Variants in NEURL1B observed in about 807,000 individuals in gnomAD.
NEURL1B encodes the protein neuralized E3 ubiquitin protein ligase 1B, also known as E3 ubiquitin-protein ligase NEURL1B.
In NEURL1B, 13 loss-of-function variants were observed where a neutral mutation model predicts 37.4. The ratio of observed to expected loss-of-function variants is 0.35; its 90% CI spans 0.23 to 0.55. NEURL1B has a LOEUF of 0.55. Ranked by LOEUF, NEURL1B falls within the 20% of genes least tolerant of loss-of-function variation. NEURL1B has a pLI of 0.89. For missense variants in NEURL1B, 790 were observed against 879.2 expected (o/e 0.90, Z 1.28); for synonymous variants, 432 against 426.6 (o/e 1.01, Z -0.16).
rs1758375116 is a variant in NEURL1B at position 172,682,515 on chromosome 5, G to T, written c.578-904G>T. The stretch of plus-strand genomic sequence containing the variant: ...CACTTGAACCCAGGAGGCAGAGGTT[G>T]CAGTGAGCCGAGATCGCGCCATTGC... On this transcript the variant is annotated intron_variant, in intron 2 of 4. Transcript: ENST00000369800. 2.0e-5 allele frequency among the ~76,000 whole-genome samples: 3 copies of T among 152,206 alleles called. 1 individual carries two copies. The highest frequency in any genetic ancestry group is 7.2e-5 in the African/African-American group (3 of 41,448).
At chr5:172,669,512 G>A (rs1758077620) in intron 1 of NEURL1B, among the ~76,000 whole-genome samples, 1 of 150,118 alleles carries the variant, frequency 6.7e-6, no homozygotes, top group Non-Finnish European at 1.5e-5. Flanking sequence ...TGGTGTTGGC[G>A]CCTCTGACAG....
At chr5:172,684,194 C>G (rs1280212901) in intron 3 of NEURL1B, 56 bp downstream of exon 3, 2 of 1,147,574 alleles carry the variant, frequency 1.7e-6, no homozygotes, top group Non-Finnish European at 2.2e-6. Flanking sequence ...CCCGTGCCGT[C>G]TCACCCCGCT....
intron 1 of NEURL1B, among the ~76,000 whole-genome samples, chr5:172,660,542 G>GA: frequency 6.6e-6 from 1 of 152,346 alleles, no homozygotes; most frequent in South Asian, 2.1e-4. Context: ...CCAGGCCTCT[G>GA]AAAAAGGGAA....
rs181766117 is a variant in NEURL1B at position 172,665,525 on chromosome 5, C to T, written c.32-4260C>T. 1.8e-4 allele frequency among the ~76,000 whole-genome samples: 27 copies of T among 152,356 alleles called. No individual in the cohort carries two copies. Among genetic ancestry groups the T allele is most frequent in the Admixed American group, 5.2e-4 (8 of 15,310 alleles). On this transcript the variant is annotated intron_variant, in intron 1 of 4. Coordinates refer to ENST00000369800, the MANE Select transcript of NEURL1B (RefSeq NM_001142651.3). The surrounding 1 kb of genome is among the most constrained non-coding windows in gnomAD (Gnocchi z 4.1). ...CCCTGCTTTGCCAAAAGCCCTGTAG[C>T]GGCTCCCTCTTGCCCATGCAGTGCG...
rs1758565808 is a variant in NEURL1B at position 172,688,812 on chromosome 5, A to C, written c.*1887A>C. Reference sequence around the variant, plus strand: ...CCAGCAGCCCTGGGTGCCTGGCTGAATTTGGTTTCCTGCATGTGCTGGGTG... The same window carrying C: ...CCAGCAGCCCTGGGTGCCTGGCTGACTTTGGTTTCCTGCATGTGCTGGGTG... On this transcript the variant is annotated 3_prime_UTR_variant, in exon 5 of 5. Coordinates refer to ENST00000369800, the MANE Select transcript of NEURL1B (RefSeq NM_001142651.3). This position sits in a 1 kb window ranked among gnomAD's most constrained non-coding sequence, Gnocchi z 4.3. 6.6e-6 allele frequency: 1 copy of C among 152,246 alleles called. No homozygotes were observed. The highest frequency in any genetic ancestry group is 2.1e-4 in the South Asian group (1 of 4,828). The allele number at this position is 152,246 out of a possible 1,614,324, so 9.4% of individuals were successfully genotyped here. A position where few individuals can be genotyped will look rare whatever the true frequency, so the allele number is the denominator to read the frequency against.
intron 1 of NEURL1B, among the ~76,000 whole-genome samples, chr5:172,667,161 G>A (rs1248645155): frequency 6.6e-6 from 1 of 151,774 alleles, no homozygotes; most frequent in African/African-American, 2.4e-5. Context: ...AGGCCAGCTG[G>A]GCATGGTGGC....
At chr5:172,644,929 A>G (rs558807627) in intron 1 of NEURL1B, among the ~76,000 whole-genome samples, 47 of 152,268 alleles carry the variant, frequency 3.1e-4, no homozygotes, top group African/African-American at 1.1e-3. Context: ...GCACATTCCA[A>G]TCCCTTCCTT....
rs1342028768 is a variant in NEURL1B, at chr5:172,648,493, C to G, written c.31+7056C>G. Among the ~76,000 whole-genome samples the G allele has an allele frequency of 1.2e-4, 19 of 152,302 alleles. No individual in the cohort carries two copies. The South Asian group carries it at 3.7e-3, about 30-fold the overall frequency. ...TCAGGACAAGCCCTGGGAGATGGCTCCTATTATTAGTGCCCCAACTCTTGG... is the reference window on the plus strand; with the variant it reads ...TCAGGACAAGCCCTGGGAGATGGCTGCTATTATTAGTGCCCCAACTCTTGG... On this transcript the variant is annotated intron_variant, in intron 1 of 4. Transcript: ENST00000369800.
chr5:172,670,166 C>T lies in NEURL1B; in HGVS notation c.413C>T (p.Ala138Val). 6.7e-7 allele frequency: 1 copy of T among 1,494,608 alleles called. No homozygotes were observed. The highest frequency in any genetic ancestry group is 8.9e-7 in the Non-Finnish European group (1 of 1,128,050). The allele number at this position is 1,494,608 out of a possible 1,614,324, so 92.6% of individuals were successfully genotyped here. A position where few individuals can be genotyped will look rare whatever the true frequency, so the allele number is the denominator to read the frequency against. Reference sequence around the variant, plus strand: ...GCCAAGGCACTGCCCGAGAACCTGGCGCTGCGCGACACGGTGCTGGCCTAC... The same window carrying T: ...GCCAAGGCACTGCCCGAGAACCTGGTGCTGCGCGACACGGTGCTGGCCTAC... ...YWAKALPENL[A>V]LRDTVLAYWA... The change falls in exon 2 of 5, where the codon GCG becomes GTG. Residue 138 changes from alanine (A) to valine (V), a missense_variant. By Grantham distance (64) the Ala-to-Val change is moderately conservative. Coordinates refer to ENST00000369800, the MANE Select transcript of NEURL1B (RefSeq NM_001142651.3).
Position 172,686,365 on chromosome 5 carries a change from G to A in NEURL1B, c.1423+69G>A. 1 of 1,496,684 alleles carries A rather than the reference G, an allele frequency of 6.7e-7. No individual in the cohort carries two copies. Among genetic ancestry groups the A allele is most frequent in the South Asian group, 1.2e-5 (1 of 80,026 alleles). The allele number at this position is 1,496,684 out of a possible 1,614,324, so 92.7% of individuals were successfully genotyped here. ...GCCTGGCTCCTCCGGCTGTGCCAGT[G>A]GCCTTCCAGGGACTGAGCAGGGTGG... On this transcript the variant is annotated intron_variant, in intron 4 of 4. Transcript: ENST00000369800. The surrounding 1 kb of genome is among the most constrained non-coding windows in gnomAD (Gnocchi z 7.9).
At chr5:172,674,104 C>T (rs147133969) in intron 2 of NEURL1B, among the ~76,000 whole-genome samples, 6,308 of 151,884 alleles carry the variant, frequency 0.042, 437 homozygotes, top group African/African-American at 0.14. Flanking sequence ...GGCACCATTG[C>T]ACTCCAGCCT....
Position 172,683,694 on chromosome 5 carries a change from A to G in NEURL1B, c.853A>G (p.Thr285Ala). 1.5e-6 allele frequency: 2 copies of G among 1,351,304 alleles called. No individual in the cohort carries two copies. The highest frequency in any genetic ancestry group is 1.9e-6 in the Non-Finnish European group (2 of 1,043,920). 83.7% of individuals were successfully genotyped at this position (1,351,304 alleles called of 1,614,324 possible). The part of the protein sequence containing the change: ...LLEADLRFHA[T>A]RGPDVSLSAD... ...GGAGGCCGACCTGCGCTTCCACGCA[A>G]CACGCGGGCCCGACGTGAGCCTGTC... The change falls in exon 3 of 5, where the codon ACA (threonine) becomes GCA (alanine). Residue 285 changes from threonine to alanine, a missense_variant. Thr to Ala is a moderately conservative substitution (Grantham distance 58). Transcript: ENST00000369800. The surrounding 1 kb of genome is among the most constrained non-coding windows in gnomAD (Gnocchi z 5.6).
At position 172,670,248 on chromosome 5, in the gene NEURL1B, C is replaced by A; in HGVS notation, c.495C>A (p.Leu165=). The part of the protein sequence containing the change: ...FYSVNDGEPV[L]FHCGVAVGGP... ...GCGTGAACGACGGCGAGCCGGTGCT[C>A]TTCCACTGCGGCGTGGCCGTGGGCG... is the stretch of plus-strand genomic sequence containing the variant. The change falls in exon 2 of 5, where the codon CTC becomes CTA. Residue 165 remains leucine, a synonymous_variant. Coordinates refer to ENST00000369800, the MANE Select transcript of NEURL1B (RefSeq NM_001142651.3). The A allele has an allele frequency of 7.1e-7, 1 of 1,399,916 alleles. No homozygotes were observed. Among genetic ancestry groups the A allele is most frequent in the South Asian group, 1.6e-5 (1 of 63,522 alleles). 86.7% of individuals were successfully genotyped at this position (1,399,916 alleles called of 1,614,324 possible).
intron 1 of NEURL1B, among the ~76,000 whole-genome samples, chr5:172,664,748 C>T (rs1429758919): frequency 6.6e-6 from 1 of 152,142 alleles, no homozygotes; most frequent in Admixed American, 6.5e-5. Flanking sequence ...AAGCATCTTC[C>T]ATTTGTGTAA....
chr5:172,683,960 C>T lies in NEURL1B; in HGVS notation c.1119C>T (p.Arg373=). 7.5e-7 allele frequency: 1 copy of T among 1,331,352 alleles called. No individual in the cohort carries two copies. Among genetic ancestry groups the T allele is most frequent in the Non-Finnish European group, 9.6e-7 (1 of 1,037,490 alleles). The allele number at this position is 1,331,352 out of a possible 1,614,324, so 82.5% of individuals were successfully genotyped here. Residue 373 remains arginine (R), a synonymous_variant, in exon 3 of 5, where the codon CGC becomes CGT. Coordinates refer to ENST00000369800, the MANE Select transcript of NEURL1B (RefSeq NM_001142651.3). The surrounding 1 kb of genome is among the most constrained non-coding windows in gnomAD (Gnocchi z 5.6). ...LDRKEYWVVA[R]AGPVPSGGDA... ...GCAAAGAGTACTGGGTGGTGGCGCG[C>T]GCCGGGCCCGTGCCGAGCGGCGGCG...
chr5:172,684,720 G>C (rs1758451721), intron 3 of NEURL1B, among the ~76,000 whole-genome samples: 1 of 152,152 alleles, frequency 6.6e-6, no homozygotes, highest in South Asian at 2.1e-4. Context: ...ACCAGCTGTG[G>C]GCCGGGCCCT....
rs1491093941 is a variant in NEURL1B at position 172,686,655 on chromosome 5, A to AT, written c.1424-25dup. 1.3e-6 allele frequency: 2 copies of AT among 1,544,060 alleles called. No homozygotes were observed. The highest frequency in any genetic ancestry group is 1.8e-6 in the Non-Finnish European group (2 of 1,141,618). ...CCCACCTGAGAGAGACATTGTTAAC[A>AT]TATGTCCTCTTCTCCCTTTCGGCAG... On this transcript the variant is annotated intron_variant, in intron 4 of 4. Coordinates refer to ENST00000369800, the MANE Select transcript of NEURL1B (RefSeq NM_001142651.3). The surrounding 1 kb of genome is among the most constrained non-coding windows in gnomAD (Gnocchi z 7.9).
At chr5:172,648,474 C>T (rs558051324) in intron 1 of NEURL1B, among the ~76,000 whole-genome samples, 2 of 152,350 alleles carry the variant, frequency 1.3e-5, no homozygotes, top group African/African-American at 4.8e-5. Context: ...TCTATCAGGA[C>T]AAGCCCTGGG....
intron 2 of NEURL1B, among the ~76,000 whole-genome samples, chr5:172,671,034 C>CT (rs1409817066): frequency 6.6e-6 from 1 of 152,136 alleles, no homozygotes; most frequent in African/African-American, 2.4e-5. Flanking sequence ...ATCTCAAGAC[C>CT]TTTTTTTAAA....
Sources: gnomAD v4.1 joint callset for allele counts (sites outside exome capture counted in the v4.1 genomes callset) on GRCh38, gnomAD v4.1.1 for gene constraint, Gnocchi (gnomAD v3.1) non-coding constraint, MANE v1.5 for transcripts, NCBI Gene and HGNC (gene_info 2026-07-23, HGNC 2026-07-21) for gene names.